Variants in PDE12 observed in about 807,000 individuals in gnomAD.
The protein encoded by PDE12 is 2',5'-phosphodiesterase 12.
A neutral mutation model predicts 45.4 loss-of-function variants in PDE12; 26 were observed. That is an observed-to-expected ratio of 0.57 (90% CI 0.42 to 0.79). PDE12 has a LOEUF of 0.79. PDE12 is among the 30% of genes least tolerant of loss of function. The pLI is 0.00. For missense variants in PDE12, 668 were observed against 790.0 expected (o/e 0.85, Z 1.85); for synonymous variants, 283 against 323.9 (o/e 0.87, Z 1.36).
chr3:57,633,427 A>G, the PDE12 span: 2 of 1,215,542 alleles, frequency 1.6e-6, no homozygotes, highest in Non-Finnish European at 2.4e-6. Context: ...ATCAGATTCA[A>G]TTGCTATGTA....
chr3:57,575,197 A>C, the PDE12 span, among the ~76,000 whole-genome samples: 14 of 152,218 alleles, frequency 9.2e-5, no homozygotes, highest in Non-Finnish European at 7.4e-5. Flanking sequence ...CTGGACCCTT[A>C]ATAAGAAAGC....
At chr3:57,595,530 T>G in the PDE12 span, among the ~76,000 whole-genome samples, 2 of 152,200 alleles carry the variant, frequency 1.3e-5, no homozygotes, top group Non-Finnish European at 2.9e-5. Flanking sequence ...AACAATTGAT[T>G]CACAAAGTGT....
the PDE12 span, among the ~76,000 whole-genome samples, chr3:57,653,654 G>A: frequency 1.3e-5 from 2 of 151,220 alleles, no homozygotes; most frequent in African/African-American, 4.9e-5. Flanking sequence ...GCTGAGGCAG[G>A]AGAATTGCTT....
downstream of PDE12, among the ~76,000 whole-genome samples, chr3:57,567,608 G>A (rs2069797768): frequency 6.6e-6 from 1 of 152,166 alleles, no homozygotes. Context: ...TGAATGCAAT[G>A]TCACATGTAT....
rs1156411912 is a variant in PDE12 at position 57,556,913 on chromosome 3, T to C, written c.534T>C (p.Pro178=). 7 of 1,614,094 alleles carry C rather than the reference T, an allele frequency of 4.3e-6. No individual in the cohort carries two copies. Among genetic ancestry groups the C allele is most frequent in the Non-Finnish European group, 5.9e-6 (7 of 1,180,046 alleles). ...CGCGCTACATCATGGCCGGGTTCCC[T>C]GTGTGCCCCAAACTCAGCCTCGAAT... is the stretch of plus-strand genomic sequence containing the variant. ...QLPRYIMAGF[P]VCPKLSLEFG... is the part of the protein sequence containing the mutation. Residue 178 remains proline (P), a synonymous_variant, in exon 1 of 3, where the codon CCT becomes CCC. Transcript: ENST00000311180. This position sits in a 1 kb window ranked among gnomAD's most constrained non-coding sequence, Gnocchi z 5.0.
the PDE12 span, among the ~76,000 whole-genome samples, chr3:57,629,967 G>T: frequency 6.6e-6 from 1 of 152,192 alleles, no homozygotes; most frequent in Non-Finnish European, 1.5e-5. Context: ...TTCTCCAAAA[G>T]AGGTCTCTGG....
the PDE12 span, among the ~76,000 whole-genome samples, chr3:57,636,259 T>C: frequency 6.6e-6 from 1 of 152,192 alleles, no homozygotes. Flanking sequence ...TAATACAGTC[T>C]ATAAAGGAAA....
At chr3:57,571,366 C>G (rs1020139239), downstream of PDE12, 2 of 152,480 alleles carry the variant, frequency 1.3e-5, no homozygotes, top group Non-Finnish European at 2.9e-5. Context: ...CACACAATTA[C>G]GTATTTTATC....
rs777541261 is a variant in PDE12 at position 57,559,637 on chromosome 3, G to C, written c.1463G>C (p.Gly488Ala). The C allele has an allele frequency of 1.2e-6, 2 of 1,614,076 alleles. No homozygotes were observed. Among genetic ancestry groups the C allele is most frequent in the South Asian group, 2.2e-5 (2 of 91,086 alleles). The change falls in exon 3 of 3, where the codon GGC becomes GCC. Residue 488 changes from glycine (G) to alanine (A), a missense_variant. By Grantham distance (60) the Gly-to-Ala change is moderately conservative. This residue lies in a region of PDE12 where 580 missense variants were observed against 662.9 expected (regional missense o/e 0.87). Coordinates refer to ENST00000311180, the MANE Select transcript of PDE12 (RefSeq NM_177966.7). ...IRHVSCDLYP[G>A]IPVIFCGDFN... The stretch of plus-strand genomic sequence containing the variant: ...CATGTTTCATGTGATCTGTATCCTG[G>C]CATACCAGTTATATTTTGTGGGGAC...
the PDE12 span, among the ~76,000 whole-genome samples, chr3:57,579,586 C>A: frequency 6.6e-6 from 1 of 152,138 alleles, no homozygotes; most frequent in African/African-American, 2.4e-5. Flanking sequence ...CCGCGCCCAG[C>A]CCCATCCTAC....
At chr3:57,588,359 G>A in the PDE12 span, among the ~76,000 whole-genome samples, 5 of 152,118 alleles carry the variant, frequency 3.3e-5, no homozygotes, top group African/African-American at 9.7e-5. Context: ...GAGCCCAGGA[G>A]TTTGAAACCA....
chr3:57,644,848 G>A, the PDE12 span, among the ~76,000 whole-genome samples: 1 of 141,498 alleles, frequency 7.1e-6, no homozygotes, highest in Non-Finnish European at 1.5e-5. Context: ...AGGAAAAACA[G>A]GGCAATGATA....
At chr3:57,624,296 G>A in the PDE12 span, among the ~76,000 whole-genome samples, 66 of 151,966 alleles carry the variant, frequency 4.3e-4, 1 homozygote, top group African/African-American at 1.4e-3. Flanking sequence ...GAATACAGGC[G>A]CCCGCCACCA....
the PDE12 span, chr3:57,597,478 T>G: frequency 2.5e-5 from 5 of 200,554 alleles, no homozygotes; most frequent in Non-Finnish European, 4.1e-5. Context: ...CCCCCTGCGC[T>G]TCCGGTGCGC....
chr3:57,618,605 G>GTGTTTT, the PDE12 span, among the ~76,000 whole-genome samples: 1 of 34,178 alleles, frequency 2.9e-5, no homozygotes, highest in Non-Finnish European at 7.3e-5. Flanking sequence ...GTTTGCTTTT[G>GTGTTTT]TGTTTTTTTT....
At chr3:57,601,661 A>G in the PDE12 span, among the ~76,000 whole-genome samples, 1 of 151,886 alleles carries the variant, frequency 6.6e-6, no homozygotes, top group Non-Finnish European at 1.5e-5. Context: ...AGGTACAACT[A>G]TAATTATTTT....
rs1445031733 is a variant in PDE12, at chr3:57,566,190, A to C, written c.*6186A>C. On this transcript the variant is annotated 3_prime_UTR_variant, in exon 3 of 3. Transcript: ENST00000311180. ...TCTCCCTAGCTCCTGGCAACAACTT[A>C]ACCTGTCTCTGTGGATTTGCCTATT... 6.6e-6 allele frequency: 1 copy of C among 151,944 alleles called. No homozygotes were observed. Among genetic ancestry groups the C allele is most frequent in the African/African-American group, 2.4e-5 (1 of 41,382 alleles). The allele number at this position is 151,944 out of a possible 1,614,324, so 9.4% of individuals were successfully genotyped here.
chr3:57,583,134 C>G, the PDE12 span, among the ~76,000 whole-genome samples: 1 of 152,172 alleles, frequency 6.6e-6, no homozygotes, highest in African/African-American at 2.4e-5. Flanking sequence ...TGTAAGATAC[C>G]AGACCAGTAG....
chr3:57,601,583 G>T, the PDE12 span, among the ~76,000 whole-genome samples: 7 of 152,090 alleles, frequency 4.6e-5, no homozygotes, highest in Admixed American at 2.6e-4. Flanking sequence ...AATGGCAACT[G>T]TAAGGGCCTT....
Sources: allele counts gnomAD v4.1 joint callset (sites outside exome capture counted in the v4.1 genomes callset), GRCh38; gene constraint gnomAD v4.1.1; regional missense constraint gnomAD v4.1.1; non-coding constraint Gnocchi (gnomAD v3.1); transcripts MANE v1.5; gene names NCBI Gene and HGNC (gene_info 2026-07-23, HGNC 2026-07-21).